The following ST3GAL1 variants were observed in gnomAD, a reference collection of about 807,000 sequenced individuals.
ST3GAL1 encodes CMP-N-acetylneuraminate-beta-galactosamide-alpha-2,3-sialyltransferase 1.
Under a neutral mutation model 34.1 loss-of-function variants are expected in ST3GAL1, and 16 were observed. The observed-to-expected ratio is 0.47, with a 90% CI of 0.32 to 0.71. ST3GAL1 has a LOEUF of 0.71. Among genes scored for constraint, ST3GAL1 ranks in the 30% least tolerant of loss-of-function variants. The probability of loss-of-function intolerance (pLI) is 0.04; values close to 1 mark genes in which losing one functional copy is unlikely to be tolerated. For synonymous variants in ST3GAL1, 191 were observed against 184.7 expected, an observed-to-expected ratio of 1.03 and a Z score of -0.28; for missense variants, 353 against 447.4, an observed-to-expected ratio of 0.79 and a Z score of 1.90.
At chr8:133,561,566 G>C (rs1020881414) in intron 1 of ST3GAL1, among the ~76,000 whole-genome samples, 1 of 152,090 alleles carries the variant, frequency 6.6e-6, no homozygotes, top group Non-Finnish European at 1.5e-5. Flanking sequence ...GTTATGTTAC[G>C]TTATATTGTT....
chr8:133,474,352 T>C (rs1309002097), intron 5 of ST3GAL1, among the ~76,000 whole-genome samples: 2 of 152,216 alleles, frequency 1.3e-5, no homozygotes, highest in Non-Finnish European at 2.9e-5. Flanking sequence ...AAGGAAAGAC[T>C]CTATCTTTTC....
chr8:133,493,524 G>C (rs1816846544), intron 3 of ST3GAL1, among the ~76,000 whole-genome samples: 1 of 152,134 alleles, frequency 6.6e-6, no homozygotes, highest in African/African-American at 2.4e-5. Context: ...TGTACAGAAT[G>C]GGGCAGGAGG....
chr8:133,486,762 A>G (rs1444732063), intron 3 of ST3GAL1, among the ~76,000 whole-genome samples: 1 of 152,192 alleles, frequency 6.6e-6, no homozygotes, highest in Non-Finnish European at 1.5e-5. Context: ...AGGAGAGGAG[A>G]GAACACCCAC....
rs779840243 is a variant in ST3GAL1 at position 133,463,456 on chromosome 8, G to C, written c.687C>G (p.Thr229=). ...SAITTGTISH[T]YIPVPAKIRV... ...TGATCTTTGCAGGAACCGGGATGTA[G>C]GTGCTGCAGTTGGAGAAAGAGAAGC... Residue 229 remains threonine, a synonymous_variant, in exon 8 of 10, where the codon ACC becomes ACG. Transcript: ENST00000522652. 3.1e-6 allele frequency: 5 copies of C among 1,613,928 alleles called. No individual in the cohort carries two copies. Among genetic ancestry groups the C allele is most frequent in the Admixed American group, 1.7e-5 (1 of 60,020 alleles).
chr8:133,472,403 C>T (rs1198576319), intron 5 of ST3GAL1, among the ~76,000 whole-genome samples: 1 of 152,160 alleles, frequency 6.6e-6, no homozygotes, highest in Admixed American at 6.5e-5. Flanking sequence ...TTATCTCCCA[C>T]CAGGTCCCTC....
chr8:133,519,068 G>C (rs1358534185), intron 2 of ST3GAL1, among the ~76,000 whole-genome samples: 1 of 152,188 alleles, frequency 6.6e-6, no homozygotes, highest in Non-Finnish European at 1.5e-5. Flanking sequence ...GAGACATGGA[G>C]GTCAGGGTAG....
chr8:133,472,072 G>A (rs543380652), intron 5 of ST3GAL1, among the ~76,000 whole-genome samples: 6 of 152,122 alleles, frequency 3.9e-5, no homozygotes, highest in Admixed American at 2.0e-4. Flanking sequence ...ACAGAGACCC[G>A]AGGAGAGGGT....
At chr8:133,540,592 C>T (rs749320616) in intron 2 of ST3GAL1, among the ~76,000 whole-genome samples, 18 of 151,654 alleles carry the variant, frequency 1.2e-4, no homozygotes, top group South Asian at 2.1e-4. Context: ...CTTTCCTGTC[C>T]GTCATGTGAC....
intron 2 of ST3GAL1, among the ~76,000 whole-genome samples, chr8:133,514,346 T>G (rs1206743555): frequency 2.0e-5 from 3 of 152,206 alleles, no homozygotes; most frequent in Non-Finnish European, 2.9e-5. Context: ...TTAGGATCAC[T>G]GCAGGAGCTC....
intron 3 of ST3GAL1, among the ~76,000 whole-genome samples, chr8:133,496,427 A>G (rs750507687): frequency 6.6e-6 from 1 of 152,174 alleles, no homozygotes; most frequent in Non-Finnish European, 1.5e-5. Flanking sequence ...TCTCTTTGCT[A>G]AGAGCCAGAG....
At chr8:133,497,250 G>A (rs1267656147) in intron 3 of ST3GAL1, among the ~76,000 whole-genome samples, 1 of 152,226 alleles carries the variant, frequency 6.6e-6, no homozygotes, top group South Asian at 2.1e-4. Context: ...TGCCTGGAAA[G>A]ACGGGCCTGA....
intron 2 of ST3GAL1, among the ~76,000 whole-genome samples, chr8:133,543,594 A>G (rs950091263): frequency 4.6e-5 from 7 of 152,178 alleles, no homozygotes; most frequent in South Asian, 4.1e-4. Flanking sequence ...ATAAAAATAA[A>G]ATAATTGAAA....
At chr8:133,503,789 G>A (rs1202105448) in intron 2 of ST3GAL1, among the ~76,000 whole-genome samples, 7 of 152,126 alleles carry the variant, frequency 4.6e-5, no homozygotes, top group Admixed American at 3.9e-4. Context: ...GAACGAGAGT[G>A]GAGAAAAAAA....
chr8:133,559,158 G>A (rs1484051874), intron 1 of ST3GAL1, among the ~76,000 whole-genome samples: 1 of 152,164 alleles, frequency 6.6e-6, no homozygotes, highest in African/African-American at 2.4e-5. Flanking sequence ...TTTATGAACA[G>A]AAATACATCA....
intron 2 of ST3GAL1, among the ~76,000 whole-genome samples, chr8:133,540,964 T>TGC (rs1818485877): frequency 7.7e-6 from 1 of 129,606 alleles, no homozygotes; most frequent in Non-Finnish European, 1.6e-5. Flanking sequence ...GACATATATA[T>TGC]AGACATATAT....
chr8:133,465,669 T>G, intron 6 of ST3GAL1: 1 of 453,080 alleles, frequency 2.2e-6, no homozygotes, highest in East Asian at 3.4e-5. Context: ...CGTGTATGGC[T>G]TCCTCTCTGC....
intron 3 of ST3GAL1, among the ~76,000 whole-genome samples, chr8:133,494,374 C>G (rs1383231100): frequency 6.6e-6 from 1 of 152,180 alleles, no homozygotes; most frequent in Non-Finnish European, 1.5e-5. Context: ...GAAGAGTTCC[C>G]TCTGAGCTCA....
intron 5 of ST3GAL1, among the ~76,000 whole-genome samples, chr8:133,475,062 T>C (rs2130942282): frequency 6.6e-6 from 1 of 152,252 alleles, no homozygotes; most frequent in African/African-American, 2.4e-5. Context: ...GTGGGTGAAA[T>C]TGTTGAGGAT....
intron 2 of ST3GAL1, among the ~76,000 whole-genome samples, chr8:133,513,834 G>C (rs1300979329): frequency 6.6e-6 from 1 of 152,048 alleles, no homozygotes; most frequent in Non-Finnish European, 1.5e-5. Flanking sequence ...AGGAGGTGGA[G>C]GTTGCAGTGA....
Sources: gnomAD v4.1 joint callset for allele counts (sites outside exome capture counted in the v4.1 genomes callset) on GRCh38, gnomAD v4.1.1 for gene constraint, MANE v1.5 for transcripts, NCBI Gene and HGNC (gene_info 2026-07-23, HGNC 2026-07-21) for gene names.